The following DPY19L2 variants were observed in gnomAD, a reference collection of about 807,000 sequenced individuals.
The protein encoded by DPY19L2 is dpy-19 like 2, also known as probable C-mannosyltransferase DPY19L2.
Under a neutral mutation model 97.9 loss-of-function variants are expected in DPY19L2, and 34 were observed. That is an observed-to-expected ratio of 0.35 (90% confidence interval 0.26 to 0.46). The LOEUF (loss-of-function observed/expected upper bound fraction) is 0.46. Among genes scored for constraint, DPY19L2 ranks in the 20% least tolerant of loss-of-function variants. The probability of loss-of-function intolerance (pLI) is 1.00; values close to 1 mark genes in which losing one functional copy is unlikely to be tolerated. For synonymous variants in DPY19L2, 230 were observed against 307.9 expected (o/e 0.75, Z 2.65); for missense variants, 623 against 911.4 (o/e 0.68, Z 4.07).
intron 16 of DPY19L2, among the ~76,000 whole-genome samples, chr12:63,587,098 C>T (rs905504706): frequency 6.6e-6 from 1 of 151,392 alleles, no homozygotes; most frequent in Non-Finnish European, 1.5e-5. Flanking sequence ...ACAGGTAAAC[C>T]AGGAAAATCT....
chr12:63,617,671 T>C (rs1211485477), intron 10 of DPY19L2, among the ~76,000 whole-genome samples: 3 of 151,976 alleles, frequency 2.0e-5, no homozygotes, highest in African/African-American at 7.2e-5. Context: ...AGTAATATAA[T>C]AAGAAAGACT....
chr12:63,620,717 C>T (rs1488687562), intron 9 of DPY19L2, among the ~76,000 whole-genome samples: 2 of 152,104 alleles, frequency 1.3e-5, no homozygotes, highest in African/African-American at 4.8e-5. Context: ...TTAATATACG[C>T]AAAGGAATAT....
chr12:63,668,062 C>T lies in DPY19L2; in HGVS notation c.332G>A (p.Gly111Asp). 1 of 1,613,494 alleles carries T rather than the reference C, an allele frequency of 6.2e-7. No individual in the cohort carries two copies. The highest frequency in any genetic ancestry group is 8.5e-7 in the Non-Finnish European group (1 of 1,179,724). ...CTCTCCTGCCCTCTCCTCACCGATGCCGAGAGTGGTTCTGCTGGAGAACCG... is the reference window on the plus strand; with the variant it reads ...CTCTCCTGCCCTCTCCTCACCGATGTCGAGAGTGGTTCTGCTGGAGAACCG... ...ARRFSSRTTL[G>D]IAVFVAILHW... The change falls in exon 1 of 22, where the codon GGC (glycine) becomes GAC (aspartate). Residue 111 changes from glycine to aspartate, a missense_variant. Around this residue, in one of 6 missense-constraint regions of DPY19L2, gnomAD observed 84 missense variants for 125.4 expected, o/e 0.67. Transcript: ENST00000324472.
chr12:63,591,485 A>T (rs145908649), intron 16 of DPY19L2, among the ~76,000 whole-genome samples: 1 of 152,128 alleles, frequency 6.6e-6, no homozygotes, highest in East Asian at 1.9e-4. Context: ...AACACTAAAA[A>T]ACATGTCATT....
At chr12:63,569,071 G>T (rs1878311781) in intron 21 of DPY19L2, among the ~76,000 whole-genome samples, 153 bp downstream of exon 21, 1 of 151,810 alleles carries the variant, frequency 6.6e-6, no homozygotes, top group Non-Finnish European at 1.5e-5. Context: ...ATAGTTTTAT[G>T]TCTCTAGATG....
At chr12:63,582,341 C>A in intron 18 of DPY19L2, 65 bp downstream of exon 18, 8 of 1,499,356 alleles carry the variant, frequency 5.3e-6, no homozygotes, top group Non-Finnish European at 6.2e-6. Context: ...AGCAAAGCCA[C>A]AGTAACTACT....
chr12:63,647,099 A>G, intron 5 of DPY19L2, 146 bp downstream of exon 5: 1 of 765,864 alleles, frequency 1.3e-6, no homozygotes, highest in Non-Finnish European at 1.8e-6. Context: ...AACTATTTTA[A>G]AATGTAAAAT....
At position 63,570,775 on chromosome 12, in the gene DPY19L2, G is replaced by A. The variant is rs757882002; in HGVS notation, c.1983C>T (p.Tyr661=). ...TLHPIVNHPH[Y]EDADLRARTK... ...CTGCCAACCTCAAGTCTGCATCTTCGTAATGTGGATGATTCACAATGGGAT... is the reference window on the plus strand; with the variant it reads ...CTGCCAACCTCAAGTCTGCATCTTCATAATGTGGATGATTCACAATGGGAT... The change falls in exon 20 of 22, where the codon TAC becomes TAT. Residue 661 remains tyrosine, a synonymous_variant. Coordinates refer to ENST00000324472, the MANE Select transcript of DPY19L2 (RefSeq NM_173812.5). 3.5e-5 allele frequency: 56 copies of A among 1,603,486 alleles called. No homozygotes were observed. Among genetic ancestry groups the A allele is most frequent in the Middle Eastern group, 3.3e-4 (2 of 6,034 alleles).
intron 9 of DPY19L2, among the ~76,000 whole-genome samples, chr12:63,618,437 C>G (rs1327624784): frequency 6.6e-6 from 1 of 151,970 alleles, no homozygotes; most frequent in Non-Finnish European, 1.5e-5. Context: ...ATAAAAGCCA[C>G]AGACTATTAA....
chr12:63,586,529 CTAG>C (rs1200635482), intron 16 of DPY19L2, among the ~76,000 whole-genome samples: 1 of 152,200 alleles, frequency 6.6e-6, no homozygotes, highest in East Asian at 1.9e-4. Flanking sequence ...AAGCAGGTCT[CTAG>C]GTACAGAGCC....
chr12:63,611,401 A>C (rs1408558373), intron 11 of DPY19L2, among the ~76,000 whole-genome samples: 7 of 151,780 alleles, frequency 4.6e-5, no homozygotes, highest in South Asian at 2.1e-4. Flanking sequence ...GCATCAAAGT[A>C]AACATTGCCA....
At chr12:63,633,284 A>G (rs1423043258) in intron 6 of DPY19L2, among the ~76,000 whole-genome samples, 1 of 152,204 alleles carries the variant, frequency 6.6e-6, no homozygotes, top group Non-Finnish European at 1.5e-5. Context: ...GGCAACCTAC[A>G]GAATGGGAGA....
chr12:63,572,324 G>C (rs1879020775), intron 19 of DPY19L2, among the ~76,000 whole-genome samples: 1 of 152,148 alleles, frequency 6.6e-6, no homozygotes, highest in African/African-American at 2.4e-5. Flanking sequence ...GAAATGAGGA[G>C]AGACCCCTCT....
chr12:63,610,841 CAAAAAAAA>C (rs56044043), intron 11 of DPY19L2, among the ~76,000 whole-genome samples: 106 of 10,738 alleles, frequency 9.9e-3, no homozygotes, highest in African/African-American at 0.015. Context: ...ATGAATATAG[CAAAAAAAA>C]AAAAAAAAAA....
chr12:63,631,812 T>G (rs1890729572), intron 6 of DPY19L2, among the ~76,000 whole-genome samples: 1 of 152,146 alleles, frequency 6.6e-6, no homozygotes, highest in African/African-American at 2.4e-5. Flanking sequence ...GCAAAATTCC[T>G]CAATAAAATA....
chr12:63,619,179 G>A (rs1373584307), intron 9 of DPY19L2, among the ~76,000 whole-genome samples: 2 of 151,996 alleles, frequency 1.3e-5, no homozygotes, highest in East Asian at 1.9e-4. Flanking sequence ...GGTGGCTCAC[G>A]CCTATAATCC....
At chr12:63,641,983 AT>A (rs1378018203) in intron 6 of DPY19L2, among the ~76,000 whole-genome samples, 1 of 152,104 alleles carries the variant, frequency 6.6e-6, no homozygotes, top group African/African-American at 2.4e-5. Context: ...TGTGGTTTGA[AT>A]TTGTATTTTC....
At chr12:63,591,836 G>A (rs1465567391) in intron 16 of DPY19L2, among the ~76,000 whole-genome samples, 1 of 150,920 alleles carries the variant, frequency 6.6e-6, no homozygotes, top group Non-Finnish European at 1.5e-5. Context: ...CCAGCTGACT[G>A]GCAGAGCTGA....
At chr12:63,641,862 G>A (rs1183229318) in intron 6 of DPY19L2, among the ~76,000 whole-genome samples, 2 of 152,016 alleles carry the variant, frequency 1.3e-5, no homozygotes, top group African/African-American at 4.8e-5. Context: ...TATCTTGAAT[G>A]TTATCAGATA....
Sources: gnomAD v4.1 joint callset for allele counts (sites outside exome capture counted in the v4.1 genomes callset) on GRCh38, gnomAD v4.1.1 for gene constraint, gnomAD v4.1.1 regional missense constraint, MANE v1.5 for transcripts, NCBI Gene and HGNC (gene_info 2026-07-23, HGNC 2026-07-21) for gene names.